The following A3GALT2 variants were observed in gnomAD, a reference collection of about 807,000 sequenced individuals.
The protein encoded by A3GALT2 is alpha-1,3-galactosyltransferase 2.
In A3GALT2, 14 loss-of-function variants were observed where a neutral mutation model predicts 16.6. The ratio of observed to expected loss-of-function variants is 0.84; its 90% CI spans 0.56 to 1.32. The LOEUF is 1.32. Among genes scored for constraint, A3GALT2 ranks in the 40% most tolerant of loss-of-function variants. A3GALT2 has a pLI of 0.00. For missense variants in A3GALT2, 600 were observed against 490.9 expected (o/e 1.22, Z -2.10); for synonymous variants, 253 against 218.0 (o/e 1.16, Z -1.42).
intron 3 of A3GALT2, 106 bp from the exon 4 acceptor site, chr1:33,312,295 G>A (rs1313377024): frequency 7.4e-6 from 11 of 1,489,084 alleles, no homozygotes; most frequent in African/African-American, 2.8e-5. Context: ...CCCATAGACC[G>A]ATGAGACCTA....
chr1:33,313,657 T>A (rs1437517023), intron 1 of A3GALT2: 1 of 152,180 alleles, frequency 6.6e-6, no homozygotes, highest in Non-Finnish European at 1.5e-5. Flanking sequence ...CTGGGGAGCT[T>A]GTTCCACTGT....
rs1382635932 is a variant in A3GALT2 at position 33,307,591 on chromosome 1, A to AC, written c.336-139dup. 2.0e-3 allele frequency: 488 copies of AC among 248,548 alleles called. 11 individuals carry two copies. The African/African-American group carries it at 0.037, about 19-fold the overall frequency. 15.4% of individuals were successfully genotyped at this position (248,548 alleles called of 1,614,324 possible). ...TCACCCCCACTCCCACCCCACCCTCACCCCCACCTCATCCCACCCCTCCCA... is the reference window on the plus strand; with the variant it reads ...TCACCCCCACTCCCACCCCACCCTCACCCCCCACCTCATCCCACCCCTCCCA... On this transcript the variant is annotated intron_variant, in intron 4 of 4. Transcript: ENST00000442999.
intron 4 of A3GALT2, 140 bp downstream of exon 4, chr1:33,311,912 G>C (rs1646234347): frequency 6.4e-6 from 8 of 1,258,456 alleles, no homozygotes; most frequent in Non-Finnish European, 8.7e-6. Flanking sequence ...GGGGGTGTGG[G>C]GCAAGAAGTG....
rs1048664670 is a variant in A3GALT2 at position 33,306,809 on chromosome 1, C to A, written c.980G>T (p.Arg327Leu). ...GTACCCCTTGGGCGCCCACAGCAGT[C>A]GCGGGCGGCGGATCTCGGCCCGCGG... ...IGPRAEIRRP[R>L]LLWAPKGYRL... The change falls in exon 5 of 5, where the codon CGA becomes CTA. Residue 327 changes from arginine (R) to leucine (L), a missense_variant. By Grantham distance (102) the Arg-to-Leu change is moderately radical (BLOSUM62 -2). Coordinates refer to ENST00000442999, the MANE Select transcript of A3GALT2 (RefSeq NM_001080438.1). 1 of 1,468,346 alleles carries A rather than the reference C, an allele frequency of 6.8e-7. No homozygotes were observed. The highest frequency in any genetic ancestry group is 9.0e-7 in the Non-Finnish European group (1 of 1,116,922). 91.0% of individuals were successfully genotyped at this position (1,468,346 alleles called of 1,614,324 possible). A position where few individuals can be genotyped will look rare whatever the true frequency, so the allele number is the denominator to read the frequency against.
At chr1:33,317,004 A>G (rs1359266842) in intron 1 of A3GALT2, among the ~76,000 whole-genome samples, 1 of 152,062 alleles carries the variant, frequency 6.6e-6, no homozygotes, top group East Asian at 1.9e-4. Context: ...ACTGGAGGGG[A>G]CAGGGTGGTT....
At chr1:33,311,342 A>T (rs754524709) in intron 4 of A3GALT2, among the ~76,000 whole-genome samples, 1 of 152,098 alleles carries the variant, frequency 6.6e-6, no homozygotes, top group Admixed American at 6.5e-5. Flanking sequence ...CTTCACAGTT[A>T]CCTGTTCCCA....
intron 1 of A3GALT2, among the ~76,000 whole-genome samples, chr1:33,315,771 A>C (rs72658222): frequency 0.094 from 14,367 of 152,306 alleles, 984 homozygotes; most frequent in East Asian, 0.26. Context: ...AAGTTTATGC[A>C]TCAAGATGTT....
In A3GALT2 at chr1:33,312,077, C is replaced by T. The variant is rs747991124; in HGVS notation, c.310G>A (p.Gly104Arg). 23 of 1,613,696 alleles carry T rather than the reference C, an allele frequency of 1.4e-5. No homozygotes were observed. The East Asian group carries it at 5.1e-4, about 36-fold the overall frequency. Residue 104 changes from glycine to arginine, a missense_variant, in exon 4 of 5, where the codon GGG becomes AGG. Transcript: ENST00000442999. ...CTGCCTACAGCAAAGATAGTCAGCC[C>T]AATGGTGAGGTTCTGCTGTCTAGCC... is the stretch of plus-strand genomic sequence containing the variant. ...QEARQQNLTI[G>R]LTIFAVGRYL...
In A3GALT2 at chr1:33,320,763, G is replaced by A. The variant is rs548650345; in HGVS notation, c.23+313C>T. Among the ~76,000 whole-genome samples, 1 of 151,980 alleles carries A rather than the reference G, an allele frequency of 6.6e-6. No individual in the cohort carries two copies. The highest frequency in any genetic ancestry group is 1.5e-5 in the Non-Finnish European group (1 of 68,032). ...ACAGTCGGGGAGGGAATGTACCCCC[G>A]GGTCTCTGCTTTCCGGCTCGCCAAG... On this transcript the variant is annotated intron_variant, in intron 1 of 4. Coordinates refer to ENST00000442999, the MANE Select transcript of A3GALT2 (RefSeq NM_001080438.1). This position sits in a 1 kb window ranked among gnomAD's most constrained non-coding sequence, Gnocchi z 4.3.
chr1:33,317,862 G>C (rs1293398044), intron 1 of A3GALT2, among the ~76,000 whole-genome samples: 2 of 152,222 alleles, frequency 1.3e-5, no homozygotes, highest in African/African-American at 4.8e-5. Flanking sequence ...AAATGCTCCA[G>C]TGGGAGCATT....
At chr1:33,311,910 G>T in intron 4 of A3GALT2, 142 bp downstream of exon 4, 2 of 1,240,908 alleles carry the variant, frequency 1.6e-6, no homozygotes, top group Non-Finnish European at 1.1e-6. Context: ...CTGGGGGTGT[G>T]GGGCAAGAAG....
chr1:33,316,995 C>A (rs1405178357), intron 1 of A3GALT2, among the ~76,000 whole-genome samples: 1 of 152,040 alleles, frequency 6.6e-6, no homozygotes, highest in Non-Finnish European at 1.5e-5. Context: ...GGGGTGGCAA[C>A]TGGAGGGGAC....
rs912808702 is a variant in A3GALT2, at chr1:33,320,205, CG to C, written c.23+870del. On this transcript the variant is annotated intron_variant, in intron 1 of 4. Coordinates refer to ENST00000442999, the MANE Select transcript of A3GALT2 (RefSeq NM_001080438.1). This position sits in a 1 kb window ranked among gnomAD's most constrained non-coding sequence, Gnocchi z 4.3. ...GGTTCCTAGAAGCCTGGTCAAACCC[CG>C]TACTGGGAGCTGGCAAGGCTGCCTC... 2.6e-5 allele frequency among the ~76,000 whole-genome samples: 4 copies of C among 152,010 alleles called. No homozygotes were observed. Among genetic ancestry groups the C allele is most frequent in the African/African-American group, 9.7e-5 (4 of 41,432 alleles).
intron 1 of A3GALT2, among the ~76,000 whole-genome samples, chr1:33,319,741 G>C (rs1301798472): frequency 6.6e-6 from 1 of 152,146 alleles, no homozygotes; most frequent in Admixed American, 6.5e-5. Flanking sequence ...TGTCAGCTCA[G>C]GGTCCTGCCA....
chr1:33,312,988 G>C lies in A3GALT2; in HGVS notation c.24-98C>G, dbSNP rs1646242954. On this transcript the variant is annotated intron_variant, in intron 1 of 4. Coordinates refer to ENST00000442999, the MANE Select transcript of A3GALT2 (RefSeq NM_001080438.1). ...GAAAAGTCTTTCTTACTTCCAGCCA[G>C]CTGGTTCTTCTGCATGAAGGTAGCC... 8 of 1,022,648 alleles carry C rather than the reference G, an allele frequency of 7.8e-6. No homozygotes were observed. The South Asian group carries it at 1.1e-4, about 14-fold the overall frequency. The allele number at this position is 1,022,648 out of a possible 1,614,324, so 63.3% of individuals were successfully genotyped here.
At chr1:33,318,692 C>T (rs948300395) in intron 1 of A3GALT2, among the ~76,000 whole-genome samples, 5 of 152,100 alleles carry the variant, frequency 3.3e-5, no homozygotes, top group Non-Finnish European at 5.9e-5. Flanking sequence ...CATCAGCCAA[C>T]AAGCTCCGCA....
Position 33,307,315 on chromosome 1 carries a change from C to G in A3GALT2, c.474G>C (p.Leu158=), listed in dbSNP as rs774183636. The change falls in exon 5 of 5, where the codon CTG becomes CTC. Residue 158 remains leucine (L), a synonymous_variant. Coordinates refer to ENST00000442999, the MANE Select transcript of A3GALT2 (RefSeq NM_001080438.1). The stretch of plus-strand genomic sequence containing the variant: ...GCTCGCGCGCCACGCGCTCCACGGG[C>G]AGCCGGCGTCCCGGGCCCAGCGCCA... The part of the protein sequence containing the change: ...PRVALGPGRR[L]PVERVARERR... The G allele has an allele frequency of 3.6e-5, 54 of 1,499,856 alleles. No individual in the cohort carries two copies. The highest frequency in any genetic ancestry group is 1.8e-4 in the Middle Eastern group (1 of 5,628). The allele number at this position is 1,499,856 out of a possible 1,614,324, so 92.9% of individuals were successfully genotyped here. A position where few individuals can be genotyped will look rare whatever the true frequency, so the allele number is the denominator to read the frequency against.
Position 33,307,142 on chromosome 1 carries a change from G to A in A3GALT2, c.647C>T (p.Ser216Leu), listed in dbSNP as rs1357871484. The A allele has an allele frequency of 1.2e-5, 19 of 1,549,120 alleles. No homozygotes were observed. The South Asian group carries it at 1.4e-4, about 12-fold the overall frequency. ...GTFGPEALAE[S>L]VAQLHSWHYH... ...GTGCCAGGAGTGCAGCTGCGCCACC[G>A]ACTCGGCCAGCGCCTCGGGCCCAAA... is the stretch of plus-strand genomic sequence containing the variant. The change falls in exon 5 of 5, where the codon TCG becomes TTG. Residue 216 changes from serine (S) to leucine (L), a missense_variant. By Grantham distance (145) the Ser-to-Leu change is moderately radical. Coordinates refer to ENST00000442999, the MANE Select transcript of A3GALT2 (RefSeq NM_001080438.1).
chr1:33,316,445 C>CA (rs367904310), intron 1 of A3GALT2, among the ~76,000 whole-genome samples: 1 of 152,072 alleles, frequency 6.6e-6, no homozygotes, highest in Admixed American at 6.5e-5. Flanking sequence ...CAAAACAAAA[C>CA]AAAAAACCCA....
Sources: gnomAD v4.1 joint callset for allele counts (sites outside exome capture counted in the v4.1 genomes callset) on GRCh38, gnomAD v4.1.1 for gene constraint, Gnocchi (gnomAD v3.1) non-coding constraint, MANE v1.5 for transcripts, NCBI Gene and HGNC (gene_info 2026-07-23, HGNC 2026-07-21) for gene names.